Variants in PTPRA observed in about 807,000 individuals in gnomAD.
PTPRA encodes receptor-type tyrosine-protein phosphatase alpha.
A neutral mutation model predicts 104.8 loss-of-function variants in PTPRA; 25 were observed. The ratio of observed to expected loss-of-function variants is 0.24; its 90% CI spans 0.17 to 0.33. The LOEUF is 0.33. Among genes scored for constraint, PTPRA ranks in the 10% least tolerant of loss-of-function variants. The pLI is 1.00. For synonymous variants in PTPRA, 323 were observed against 368.9 expected, an observed-to-expected ratio of 0.88 and a Z score of 1.43; for missense variants, 765 against 1,015.3, an observed-to-expected ratio of 0.75 and a Z score of 3.35.
intron 22 of PTPRA, among the ~76,000 whole-genome samples, chr20:3,036,276 G>A (rs2065795397): frequency 6.6e-6 from 1 of 152,252 alleles, no homozygotes. Context: ...CTGGGTTGGT[G>A]TGACCAGCAG....
rs751905713 is a variant in PTPRA at position 3,021,446 on chromosome 20, C to G, written c.1161+18C>G. 9.9e-6 allele frequency: 16 copies of G among 1,613,260 alleles called. No homozygotes were observed. Among genetic ancestry groups the G allele is most frequent in the Non-Finnish European group, 1.3e-5 (15 of 1,179,546 alleles). ...TCCAGCAGGTAGTGTCTCCTCTGTC[C>G]TTTCTCAGTTCTTATGTTGGATCTG... On this transcript the variant is annotated intron_variant, in intron 14 of 23. Transcript: ENST00000399903.
At position 3,037,220 on chromosome 20, in the gene PTPRA, G is replaced by A. The variant is rs1447399969; in HGVS notation, c.2265G>A (p.Glu755=). ...CCGTCCTGGAGCGTGTGAAAGCAGAGGGGATTTTGGATGTCTTCCAGACTG... is the reference window on the plus strand; with the variant it reads ...CCGTCCTGGAGCGTGTGAAAGCAGAAGGGATTTTGGATGTCTTCCAGACTG... ...LSTVLERVKA[E]GILDVFQTVK... Residue 755 remains glutamate, a synonymous_variant, in exon 23 of 24, where the codon GAG becomes GAA. Transcript: ENST00000399903. This position sits in a 1 kb window ranked among gnomAD's most constrained non-coding sequence, Gnocchi z 4.3. 3 of 1,614,254 alleles carry A rather than the reference G, an allele frequency of 1.9e-6. No individual in the cohort carries two copies. Among genetic ancestry groups the A allele is most frequent in the East Asian group, 2.2e-5 (1 of 44,884 alleles).
At chr20:2,951,564 C>T (rs1600161925) in intron 3 of PTPRA, among the ~76,000 whole-genome samples, 1 of 152,198 alleles carries the variant, frequency 6.6e-6, no homozygotes, top group African/African-American at 2.4e-5. Flanking sequence ...CCAGGAAACT[C>T]GGGACATCCC....
chr20:2,935,582 G>A lies in PTPRA; in HGVS notation c.-50+12297G>A, dbSNP rs1346686318. Reference sequence around the variant, plus strand: ...AAATTTTTTTTTGTTTTTTAATTTTGTTTGTTTAGAGACAGGGTCTCGCTG... The same window carrying A: ...AAATTTTTTTTTGTTTTTTAATTTTATTTGTTTAGAGACAGGGTCTCGCTG... On this transcript the variant is annotated intron_variant, in intron 2 of 23. Transcript: ENST00000399903. Among the ~76,000 whole-genome samples, 10 of 151,888 alleles carry A rather than the reference G, an allele frequency of 6.6e-5. 1 individual carries two copies. Among genetic ancestry groups the A allele is most frequent in the Admixed American group, 6.6e-4 (10 of 15,250 alleles).
At chr20:2,927,073 A>G (rs1304818012) in intron 2 of PTPRA, among the ~76,000 whole-genome samples, 1 of 151,618 alleles carries the variant, frequency 6.6e-6, no homozygotes, top group Non-Finnish European at 1.5e-5. Context: ...TTACAGGCAT[A>G]TGCCACCACA....
At chr20:2,910,933 T>C (rs1321720248) in intron 1 of PTPRA, among the ~76,000 whole-genome samples, 2 of 149,780 alleles carry the variant, frequency 1.3e-5, no homozygotes, top group Non-Finnish European at 3.0e-5. Flanking sequence ...TTTTTTTTTT[T>C]TTTGTAGAGA....
chr20:2,911,631 C>A (rs1445910840), intron 1 of PTPRA, among the ~76,000 whole-genome samples: 1 of 152,132 alleles, frequency 6.6e-6, no homozygotes, highest in African/African-American at 2.4e-5. Flanking sequence ...GGATATTATG[C>A]TGAGCATGGC....
chr20:3,022,853 G>A lies in PTPRA; in HGVS notation c.1464+29G>A. 6.2e-7 allele frequency: 1 copy of A among 1,613,726 alleles called. No individual in the cohort carries two copies. The highest frequency in any genetic ancestry group is 8.5e-7 in the Non-Finnish European group (1 of 1,179,806). ...AGTGATCTGTGGGTCAGGTGAGGGT[G>A]GGGGGTTCCAGGACTAAAACATCTG... On this transcript the variant is annotated intron_variant, in intron 16 of 23. Coordinates refer to ENST00000399903, the MANE Select transcript of PTPRA (RefSeq NM_001385305.1). This position sits in a 1 kb window ranked among gnomAD's most constrained non-coding sequence, Gnocchi z 4.6.
chr20:2,868,310 C>CTTTTTTTTTTT, the PTPRA span, among the ~76,000 whole-genome samples: 53 of 104,152 alleles, frequency 5.1e-4, 1 homozygote, highest in Admixed American at 3.9e-3. Context: ...GACTCCACCT[C>CTTTTTTTTTTT]TTTTTTTTTT....
intron 19 of PTPRA, 116 bp downstream of exon 19, chr20:3,027,313 T>C: frequency 2.8e-6 from 3 of 1,089,076 alleles, no homozygotes; most frequent in South Asian, 1.4e-5. Context: ...AGTCAACAAA[T>C]AGTGAATTGA....
At chr20:2,882,401 T>G (rs545218676) in intron 1 of PTPRA, among the ~76,000 whole-genome samples, 1 of 151,768 alleles carries the variant, frequency 6.6e-6, no homozygotes, top group East Asian at 1.9e-4. Flanking sequence ...GTGATCATCC[T>G]ACCTCAGCCT....
At chr20:2,981,784 A>G (rs1178939446) in intron 6 of PTPRA, among the ~76,000 whole-genome samples, 1 of 152,226 alleles carries the variant, frequency 6.6e-6, no homozygotes, top group East Asian at 1.9e-4. Flanking sequence ...CCCAGTCCCA[A>G]TTCCCTCTGA....
chr20:2,972,517 C>G (rs2062234095), intron 5 of PTPRA, among the ~76,000 whole-genome samples: 2 of 152,322 alleles, frequency 1.3e-5, no homozygotes, highest in South Asian at 4.1e-4. Flanking sequence ...TTGTATCGTT[C>G]CTGTAACAAG....
chr20:2,953,139 A>G (rs1232837348), intron 3 of PTPRA, among the ~76,000 whole-genome samples: 1 of 152,156 alleles, frequency 6.6e-6, no homozygotes, highest in South Asian at 2.1e-4. Flanking sequence ...ACTGATTTCT[A>G]TAGTAGTGGT....
chr20:2,975,242 G>T lies in PTPRA; in HGVS notation c.442+1G>T. The T allele has an allele frequency of 6.3e-7, 1 of 1,595,642 alleles. No individual in the cohort carries two copies. The highest frequency in any genetic ancestry group is 8.6e-7 in the Non-Finnish European group (1 of 1,165,038). Reference sequence around the variant, plus strand: ...AATTCTGACTCGAAGGACAGAAGAGGTGAGCTGCTCACCTTATATCTGTTG... The same window carrying T: ...AATTCTGACTCGAAGGACAGAAGAGTTGAGCTGCTCACCTTATATCTGTTG... On this transcript the variant is annotated splice_donor_variant, in intron 6 of 23. Transcript: ENST00000399903. LOFTEE classifies it high-confidence loss of function.
chr20:2,990,083 C>G (rs530663199), intron 9 of PTPRA, among the ~76,000 whole-genome samples: 1 of 152,110 alleles, frequency 6.6e-6, no homozygotes, highest in African/African-American at 2.4e-5. Context: ...AGAATAGTTG[C>G]GGGAATACAG....
chr20:3,007,967 T>A (rs2063956977), intron 11 of PTPRA, among the ~76,000 whole-genome samples: 1 of 152,092 alleles, frequency 6.6e-6, no homozygotes, highest in East Asian at 1.9e-4. Flanking sequence ...TATGAGAGAT[T>A]TGAGGTTTTT....
chr20:2,868,618 CTTTTTTTTTTTT>C (rs56081198), upstream of PTPRA, among the ~76,000 whole-genome samples: 104 of 45,216 alleles, frequency 2.3e-3, no homozygotes, highest in African/African-American at 5.2e-3. Context: ...TCATTCTGGG[CTTTTTTTTTTTT>C]TTTTTTTTTT....
At chr20:2,914,825 C>T (rs1180075890) in intron 1 of PTPRA, among the ~76,000 whole-genome samples, 1 of 152,126 alleles carries the variant, frequency 6.6e-6, no homozygotes, top group African/African-American at 2.4e-5. Flanking sequence ...AATCTGTACT[C>T]GTAGCACTTT....
Sources: gnomAD v4.1 joint callset for allele counts (sites outside exome capture counted in the v4.1 genomes callset) on GRCh38, gnomAD v4.1.1 for gene constraint, Gnocchi (gnomAD v3.1) non-coding constraint, MANE v1.5 for transcripts, NCBI Gene and HGNC (gene_info 2026-07-23, HGNC 2026-07-21) for gene names.